BICRAL: variants seen among roughly 807,000 people sequenced by gnomAD.
BICRAL encodes the protein BRD4-interacting chromatin-remodeling complex-associated protein-like.
A neutral mutation model predicts 91.8 loss-of-function variants in BICRAL; 8 were observed. The observed-to-expected ratio is 0.09, with a 90% CI of 0.05 to 0.16. The LOEUF is 0.16. BICRAL is among the 10% of genes least tolerant of loss of function. The pLI is 1.00. For synonymous variants in BICRAL, 445 were observed against 491.1 expected (o/e 0.91, Z 1.24); for missense variants, 1,038 against 1,310.9 (o/e 0.79, Z 3.21).
Position 42,865,293 on chromosome 6 carries a change from G to A in BICRAL, c.3087G>A (p.Thr1029=), listed in dbSNP as rs142742790. The A allele has an allele frequency of 5.8e-5, 93 of 1,613,970 alleles. No homozygotes were observed. Among genetic ancestry groups the A allele is most frequent in the African/African-American group, 1.3e-4 (10 of 74,888 alleles). ...KAGRQPQSDP[T]VSGSVELDFP... ...GACGGCAGCCCCAGAGTGACCCCAC[G>A]GTTAGCGGCTCTGTTGAGTTAGATT... is the stretch of plus-strand genomic sequence containing the variant. The change falls in exon 13 of 13, where the codon ACG becomes ACA. Residue 1029 remains threonine (T), a synonymous_variant. Coordinates refer to ENST00000314073, the MANE Select transcript of BICRAL (RefSeq NM_001393499.1).
intron 1 of BICRAL, among the ~76,000 whole-genome samples, chr6:42,764,164 C>T (rs2113835439): frequency 6.6e-6 from 1 of 150,394 alleles, no homozygotes; most frequent in African/African-American, 2.5e-5. Context: ...ATCACTTGAA[C>T]CTGGGAGGCA....
At chr6:42,833,842 C>A (rs546407107) in intron 6 of BICRAL, among the ~76,000 whole-genome samples, 30 of 152,064 alleles carry the variant, frequency 2.0e-4, no homozygotes, top group African/African-American at 7.2e-4. Context: ...AGAGTGCAAA[C>A]CAATTATTAT....
At chr6:42,766,935 G>A (rs945977224) in intron 1 of BICRAL, among the ~76,000 whole-genome samples, 5 of 151,980 alleles carry the variant, frequency 3.3e-5, no homozygotes, top group African/African-American at 7.3e-5. Context: ...AGCTACTCGC[G>A]AGGCTGAGGC....
chr6:42,755,981 CTCTT>C (rs890948066), intron 1 of BICRAL, among the ~76,000 whole-genome samples: 1 of 152,036 alleles, frequency 6.6e-6, no homozygotes, highest in Non-Finnish European at 1.5e-5. Flanking sequence ...GCCCAGTCAC[CTCTT>C]TCTTCAGGAT....
intron 1 of BICRAL, among the ~76,000 whole-genome samples, chr6:42,764,270 G>A (rs1386905958): frequency 3.3e-5 from 5 of 151,300 alleles, no homozygotes; most frequent in Admixed American, 2.0e-4. Flanking sequence ...AATGTCTGTC[G>A]GGCACAGTGG....
At chr6:42,814,073 G>A (rs1002053897) in intron 2 of BICRAL, among the ~76,000 whole-genome samples, 1 of 151,992 alleles carries the variant, frequency 6.6e-6, no homozygotes, top group Non-Finnish European at 1.5e-5. Context: ...CGTAGTTCAT[G>A]TCTGCTTAAA....
At chr6:42,808,689 A>C (rs1763778811) in intron 1 of BICRAL, among the ~76,000 whole-genome samples, 1 of 152,070 alleles carries the variant, frequency 6.6e-6, no homozygotes, top group Admixed American at 6.6e-5. Context: ...TGGGGGAGAG[A>C]TGGGAGTGTG....
rs187390779 is a variant in BICRAL, at chr6:42,829,357, A to C, written c.1024A>C (p.Ile342Leu). The C allele has an allele frequency of 1.2e-6, 2 of 1,614,190 alleles. No individual in the cohort carries two copies. The highest frequency in any genetic ancestry group is 2.7e-5 in the African/African-American group (2 of 75,050). ...TCAGCAGCACCACGTACAACAAGGG[A>C]TCTCTTTTGCTTCTGCAAGCTCACC... ...GIQQHHVQQG[I>L]SFASASSPQG... The change falls in exon 6 of 13, where the codon ATC becomes CTC. Residue 342 changes from isoleucine to leucine, a missense_variant. By Grantham distance (5) the Ile-to-Leu change is conservative (BLOSUM62 2). Coordinates refer to ENST00000314073, the MANE Select transcript of BICRAL (RefSeq NM_001393499.1).
intron 1 of BICRAL, among the ~76,000 whole-genome samples, chr6:42,773,845 A>G (rs1762775991): frequency 6.6e-6 from 1 of 152,248 alleles, no homozygotes; most frequent in Non-Finnish European, 1.5e-5. Context: ...ATGATGGCCC[A>G]TTGCAGCTTT....
intron 1 of BICRAL, among the ~76,000 whole-genome samples, chr6:42,804,939 C>T (rs1282618548): frequency 1.3e-5 from 2 of 152,148 alleles, no homozygotes; most frequent in Non-Finnish European, 2.9e-5. Flanking sequence ...TGTCTTCAAG[C>T]GATCCTCCTG....
chr6:42,754,492 C>T (rs571629918), intron 1 of BICRAL, among the ~76,000 whole-genome samples: 1 of 152,246 alleles, frequency 6.6e-6, no homozygotes, highest in East Asian at 1.9e-4. Context: ...GACGTCAACT[C>T]ATAGTAACAG....
chr6:42,844,538 A>G (rs1366455631), intron 6 of BICRAL, among the ~76,000 whole-genome samples: 6 of 115,146 alleles, frequency 5.2e-5, no homozygotes, highest in Non-Finnish European at 1.0e-4. Flanking sequence ...AAAAAAAAAA[A>G]AAAAAAAGAG....
upstream of BICRAL, among the ~76,000 whole-genome samples, chr6:42,779,226 ACACACACAC>A (rs1762848463): frequency 5.1e-4 from 4 of 7,896 alleles, no homozygotes; most frequent in African/African-American, 2.7e-3. Flanking sequence ...CAAGAAAAAC[ACACACACAC>A]ACACACACAC....
At chr6:42,845,173 C>T (rs1288506418) in intron 6 of BICRAL, among the ~76,000 whole-genome samples, 5 of 86,308 alleles carry the variant, frequency 5.8e-5, no homozygotes, top group Non-Finnish European at 1.1e-4. Flanking sequence ...CGGCTGCCTT[C>T]TCTGTTTTTT....
At chr6:42,830,203 T>C in intron 6 of BICRAL, 31 bp downstream of exon 6, 5 of 1,599,088 alleles carry the variant, frequency 3.1e-6, no homozygotes, top group Non-Finnish European at 4.3e-6. Flanking sequence ...AATATTTGGC[T>C]GATTATAGAA....
intron 1 of BICRAL, among the ~76,000 whole-genome samples, chr6:42,790,037 GAA>G (rs66780739): frequency 0.47 from 71,928 of 151,908 alleles, 18,637 homozygotes; most frequent in African/African-American, 0.69. Context: ...GGATCTGTGA[GAA>G]AAAGAATCAA....
intron 6 of BICRAL, among the ~76,000 whole-genome samples, chr6:42,845,361 T>G (rs945288501): frequency 6.6e-6 from 1 of 151,302 alleles, no homozygotes; most frequent in Non-Finnish European, 1.5e-5. Context: ...CCGGAGGGAT[T>G]ACAAGCGTGA....
intron 1 of BICRAL, among the ~76,000 whole-genome samples, chr6:42,757,257 T>G (rs1007069221): frequency 8.1e-6 from 1 of 123,542 alleles, no homozygotes; most frequent in Non-Finnish European, 1.7e-5. Context: ...TTTTTTTAAC[T>G]CTTTTTTTTT....
intron 7 of BICRAL, among the ~76,000 whole-genome samples, chr6:42,853,076 A>T (rs1356147165): frequency 6.6e-6 from 1 of 151,898 alleles, no homozygotes; most frequent in African/African-American, 2.4e-5. Flanking sequence ...AAAAAAAAAA[A>T]AAAAAAGAAA....
Sources: gnomAD v4.1 joint callset for allele counts (sites outside exome capture counted in the v4.1 genomes callset) on GRCh38, gnomAD v4.1.1 for gene constraint, MANE v1.5 for transcripts, NCBI Gene and HGNC (gene_info 2026-07-23, HGNC 2026-07-21) for gene names.